The following PCDHA4 variants were observed in gnomAD, a reference collection of about 807,000 sequenced individuals.
PCDHA4 encodes protocadherin alpha-4.
PCDHA4 carries 49 observed loss-of-function variants against 61.4 expected under a neutral mutation model. The ratio of observed to expected loss-of-function variants is 0.80; its 90% CI spans 0.63 to 1.01. The LOEUF (loss-of-function observed/expected upper bound fraction) is 1.01. Ranked by LOEUF, PCDHA4 falls within the 50% of genes least tolerant of loss-of-function variation. The pLI, the probability that PCDHA4 is intolerant of heterozygous loss-of-function variation, is 0.00. For synonymous variants in PCDHA4, 590 were observed against 550.3 expected (o/e 1.07, Z -1.01); for missense variants, 1,254 against 1,235.8 (o/e 1.01, Z -0.22).
intron 1 of PCDHA4, chr5:140,877,626 C>T: frequency 6.2e-7 from 1 of 1,613,828 alleles, no homozygotes; most frequent in African/African-American, 1.3e-5. Context: ...TGCTGCTGTA[C>T]ACTGCGCTGC....
intron 1 of PCDHA4, chr5:140,849,736 AC>A: frequency 1.3e-6 from 2 of 1,598,292 alleles, no homozygotes; most frequent in Non-Finnish European, 1.7e-6. Flanking sequence ...AGAGCTCTGG[AC>A]CGCGAGAGTG....
At chr5:140,816,634 C>A (rs1274494643) in intron 1 of PCDHA4, 7 of 152,054 alleles carry the variant, frequency 4.6e-5, no homozygotes, top group African/African-American at 1.7e-4. Context: ...AACAACAACA[C>A]ACCAGCTACC....
chr5:140,976,933 A>G (rs1554238099), intron 1 of PCDHA4, among the ~76,000 whole-genome samples: 1 of 152,198 alleles, frequency 6.6e-6, no homozygotes, highest in African/African-American at 2.4e-5. Context: ...CTGTGTAGCT[A>G]CTTAAAACAT....
intron 1 of PCDHA4, chr5:140,824,865 T>C (rs1306398379): frequency 1.3e-5 from 2 of 152,140 alleles, no homozygotes; most frequent in Non-Finnish European, 1.5e-5. Flanking sequence ...TTCAATTGTA[T>C]TTTTGCAGCA....
Position 140,845,987 on chromosome 5 carries a change from T to C in PCDHA4, c.2385+36415T>C, listed in dbSNP as rs1259118167. 7.3e-5 allele frequency among the ~76,000 whole-genome samples: 11 copies of C among 149,774 alleles called. 1 individual carries two copies. Among genetic ancestry groups the C allele is most frequent in the Admixed American group, 4.7e-4 (7 of 14,964 alleles). On this transcript the variant is annotated intron_variant, in intron 1 of 3. Coordinates refer to ENST00000530339, the MANE Select transcript of PCDHA4 (RefSeq NM_018907.4). ...TAGGATGTTTCAATATTTTGAATGT[T>C]GTGTGGTGGAATGAAAAAAATCTAA...
At chr5:140,871,802 T>G (rs2053316499) in intron 1 of PCDHA4, among the ~76,000 whole-genome samples, 1 of 152,178 alleles carries the variant, frequency 6.6e-6, no homozygotes, top group South Asian at 2.1e-4. Context: ...TAATTACTAT[T>G]TTCACTAAAG....
intron 1 of PCDHA4, among the ~76,000 whole-genome samples, chr5:140,957,130 A>G (rs1554222831): frequency 6.6e-6 from 1 of 152,188 alleles, no homozygotes; most frequent in East Asian, 1.9e-4. Context: ...TCTTTACTAC[A>G]CTATGAACTA....
At position 140,828,207 on chromosome 5, in the gene PCDHA4, C is replaced by A. The variant is rs1769609355; in HGVS notation, c.2385+18635C>A. 6 of 1,614,008 alleles carry A rather than the reference C, an allele frequency of 3.7e-6. No homozygotes were observed. The highest frequency in any genetic ancestry group is 1.1e-5 in the South Asian group (1 of 91,066). ...CTCCACTACTCCGTACCCGAGGAGG[C>A]CAAACACGGCACCTTCGTGGGCCGG... On this transcript the variant is annotated intron_variant, in intron 1 of 3. Coordinates refer to ENST00000530339, the MANE Select transcript of PCDHA4 (RefSeq NM_018907.4).
intron 1 of PCDHA4, chr5:140,816,216 CTCTG>C (rs1765866048): frequency 6.6e-6 from 1 of 152,144 alleles, no homozygotes; most frequent in Non-Finnish European, 1.5e-5. Context: ...CTTTTTGCTA[CTCTG>C]TCTGGATAAT....
rs2150319932 is a variant in PCDHA4 at position 140,841,641 on chromosome 5, A to T, written c.2385+32069A>T. 4.3e-6 allele frequency: 7 copies of T among 1,613,950 alleles called. No individual in the cohort carries two copies. The highest frequency in any genetic ancestry group is 5.1e-6 in the Non-Finnish European group (6 of 1,179,994). ...AGCGCGGAGTGCAGCATCCACCTGG[A>T]GGTGATCGTGGACAGGCCGCTGCAG... On this transcript the variant is annotated intron_variant, in intron 1 of 3. Coordinates refer to ENST00000530339, the MANE Select transcript of PCDHA4 (RefSeq NM_018907.4).
chr5:140,965,794 C>T (rs1554227851), intron 1 of PCDHA4, among the ~76,000 whole-genome samples: 1 of 152,170 alleles, frequency 6.6e-6, no homozygotes, highest in Non-Finnish European at 1.5e-5. Flanking sequence ...TTCATGGAGA[C>T]TATTTTTTTA....
At chr5:140,980,160 T>C (rs1408251279) in intron 2 of PCDHA4, among the ~76,000 whole-genome samples, 1 of 152,140 alleles carries the variant, frequency 6.6e-6, no homozygotes, top group East Asian at 1.9e-4. Context: ...TACCAGAATA[T>C]TAGGTATCAG....
chr5:140,960,597 C>T (rs1315375637), intron 1 of PCDHA4, among the ~76,000 whole-genome samples: 1 of 152,092 alleles, frequency 6.6e-6, no homozygotes, highest in South Asian at 2.1e-4. Context: ...ATTCAAGGTA[C>T]TTCAACAATA....
rs781815387 is a variant in PCDHA4, at chr5:140,978,983, C to A, written c.2420C>A (p.Ala807Asp). The part of the protein sequence containing the change: ...RQPNPDWRYS[A>D]SLRAGMHSSV... Reference sequence around the variant, plus strand: ...CCCAACCCTGACTGGCGTTACTCTGCCTCCCTGAGAGCAGGCATGCACAGG... The same window carrying A: ...CCCAACCCTGACTGGCGTTACTCTGACTCCCTGAGAGCAGGCATGCACAGG... Residue 807 changes from alanine (A) to aspartate (D), a missense_variant, in exon 2 of 4, where the codon GCC (alanine) becomes GAC (aspartate). By Grantham distance (126) the Ala-to-Asp change is moderately radical. Transcript: ENST00000530339. 1.6e-5 allele frequency: 26 copies of A among 1,614,142 alleles called. No homozygotes were observed. Among genetic ancestry groups the A allele is most frequent in the Non-Finnish European group, 2.2e-5 (26 of 1,180,024 alleles).
intron 1 of PCDHA4, among the ~76,000 whole-genome samples, chr5:140,838,431 T>C (rs2150289310): frequency 1.3e-5 from 2 of 151,754 alleles, no homozygotes; most frequent in Non-Finnish European, 2.9e-5. Context: ...GCCTAAATTA[T>C]ATATTGGGTT....
chr5:140,954,316 C>T (rs1406547197), intron 1 of PCDHA4, among the ~76,000 whole-genome samples: 6 of 152,140 alleles, frequency 3.9e-5, no homozygotes, highest in South Asian at 4.1e-4. Context: ...GGGATTGCTG[C>T]GTCAAATGGT....
rs2150435821 is a variant in PCDHA4 at position 140,849,360 on chromosome 5, A to G, written c.2385+39788A>G. ...CTTCTCCAGTGATGTTTCTCCAGAT[A>G]TAAAATCCAAGTTCCACATGGACCC... On this transcript the variant is annotated intron_variant, in intron 1 of 3. Transcript: ENST00000530339. The G allele has an allele frequency of 6.8e-6, 10 of 1,467,526 alleles. No homozygotes were observed. In the African/African-American group the frequency reaches 1.1e-4, roughly 16 times the overall value. The allele number at this position is 1,467,526 out of a possible 1,614,324, so 90.9% of individuals were successfully genotyped here. A position where few individuals can be genotyped will look rare whatever the true frequency, so the allele number is the denominator to read the frequency against.
chr5:140,850,218 G>T, intron 1 of PCDHA4: 1 of 1,593,686 alleles, frequency 6.3e-7, no homozygotes. Context: ...GGGCACTGAC[G>T]GCGCAGTGAG....
intron 1 of PCDHA4, among the ~76,000 whole-genome samples, chr5:140,963,436 T>C (rs148474994): frequency 0.01 from 1,563 of 152,364 alleles, 89 homozygotes; most frequent in Admixed American, 0.092. Context: ...ACTAACTTCA[T>C]ACTCTGTTGC....
Sources: gnomAD v4.1 joint callset for allele counts (sites outside exome capture counted in the v4.1 genomes callset) on GRCh38, gnomAD v4.1.1 for gene constraint, MANE v1.5 for transcripts, NCBI Gene and HGNC (gene_info 2026-07-23, HGNC 2026-07-21) for gene names.